The following FAF1 variants were observed in gnomAD, a reference collection of about 807,000 sequenced individuals.
FAF1 encodes FAS-associated factor 1.
FAF1 carries 25 observed loss-of-function variants against 92.5 expected under a neutral mutation model. The ratio of observed to expected loss-of-function variants is 0.27; its 90% CI spans 0.20 to 0.38. The LOEUF (loss-of-function observed/expected upper bound fraction) is 0.38, where lower values mean the gene tolerates loss of function less well. Ranked by LOEUF, FAF1 falls within the 10% of genes least tolerant of loss-of-function variation. FAF1 has a pLI of 1.00. For missense variants in FAF1, 636 were observed against 793.3 expected (o/e 0.80, Z 2.38); for synonymous variants, 234 against 273.2 (o/e 0.86, Z 1.42).
chr1:50,702,869 T>TA (rs1051904202), intron 7 of FAF1, among the ~76,000 whole-genome samples: 19 of 152,180 alleles, frequency 1.2e-4, no homozygotes, highest in African/African-American at 4.6e-4. Context: ...CTCAGTATTT[T>TA]AAAAAAATGT....
chr1:50,615,314 C>G (rs1652862727), intron 8 of FAF1, among the ~76,000 whole-genome samples: 1 of 152,184 alleles, frequency 6.6e-6, no homozygotes, highest in Non-Finnish European at 1.5e-5. Flanking sequence ...GATTCCATGT[C>G]TTTGCTATTG....
intron 3 of FAF1, among the ~76,000 whole-genome samples, chr1:50,789,008 T>C (rs1354913764): frequency 6.6e-6 from 1 of 152,070 alleles, no homozygotes; most frequent in African/African-American, 2.4e-5. Context: ...CATTTTTGTA[T>C]TTTTTTGTAG....
At chr1:50,674,271 T>A (rs1007791258) in intron 7 of FAF1, among the ~76,000 whole-genome samples, 2 of 152,018 alleles carry the variant, frequency 1.3e-5, no homozygotes, top group African/African-American at 2.4e-5. Flanking sequence ...TTTTTTTTTT[T>A]ATTGTACCAT....
chr1:50,877,640 T>C (rs1282994126), intron 1 of FAF1, among the ~76,000 whole-genome samples: 4 of 152,146 alleles, frequency 2.6e-5, no homozygotes, highest in African/African-American at 9.7e-5. Flanking sequence ...ATATGTATGT[T>C]CCACTAGTTA....
chr1:50,697,275 T>C (rs898063132), intron 7 of FAF1, among the ~76,000 whole-genome samples: 9 of 152,220 alleles, frequency 5.9e-5, no homozygotes, highest in Non-Finnish European at 1.5e-5. Context: ...GACACTCTAA[T>C]ACTTAGCCAT....
chr1:50,758,867 G>C (rs182059720), intron 4 of FAF1, among the ~76,000 whole-genome samples: 2 of 152,038 alleles, frequency 1.3e-5, no homozygotes, highest in African/African-American at 4.8e-5. Context: ...TTTTGAGATG[G>C]AGTCTTGCTC....
At chr1:50,482,304 T>C (rs902012356) in intron 17 of FAF1, among the ~76,000 whole-genome samples, 3 of 152,204 alleles carry the variant, frequency 2.0e-5, no homozygotes, top group Admixed American at 2.0e-4. Context: ...CAGTAGTTTG[T>C]TTCTATTTAT....
At chr1:50,499,913 TTA>T (rs750368868) in intron 15 of FAF1, among the ~76,000 whole-genome samples, 16 of 152,206 alleles carry the variant, frequency 1.1e-4, no homozygotes, top group Admixed American at 6.5e-4. Flanking sequence ...AAAATATCAT[TTA>T]TAATAGCATA....
intron 7 of FAF1, among the ~76,000 whole-genome samples, chr1:50,670,843 T>G (rs989858625): frequency 2.6e-5 from 4 of 151,958 alleles, no homozygotes; most frequent in Non-Finnish European, 5.9e-5. Flanking sequence ...GGCAGGGAAA[T>G]TACTTGAGCC....
chr1:50,866,446 G>T (rs1444930595), intron 1 of FAF1, among the ~76,000 whole-genome samples: 1 of 151,922 alleles, frequency 6.6e-6, no homozygotes, highest in Non-Finnish European at 1.5e-5. Context: ...AAACACTAAA[G>T]ACTCATCCAA....
intron 15 of FAF1, among the ~76,000 whole-genome samples, chr1:50,515,559 CAG>C (rs1372145206): frequency 6.6e-6 from 1 of 152,024 alleles, no homozygotes; most frequent in African/African-American, 2.4e-5. Flanking sequence ...AACAAAATAA[CAG>C]AAATTATAAC....
intron 15 of FAF1, among the ~76,000 whole-genome samples, chr1:50,505,278 G>A (rs1647045730): frequency 6.6e-6 from 1 of 152,080 alleles, no homozygotes; most frequent in South Asian, 2.1e-4. Flanking sequence ...GTTCCCAAAT[G>A]GACATGGAAA....
intron 18 of FAF1, among the ~76,000 whole-genome samples, chr1:50,462,490 G>A (rs1452095871): frequency 6.6e-6 from 1 of 151,948 alleles, no homozygotes; most frequent in Non-Finnish European, 1.5e-5. Flanking sequence ...ATCTGTATTT[G>A]TTTATAGTAA....
intron 15 of FAF1, among the ~76,000 whole-genome samples, chr1:50,516,242 C>A (rs1647218534): frequency 6.6e-6 from 1 of 152,158 alleles, no homozygotes; most frequent in African/African-American, 2.4e-5. Context: ...TTACCCAGGG[C>A]CTAATTCAAA....
chr1:50,526,958 G>C (rs1242492225), intron 15 of FAF1, among the ~76,000 whole-genome samples: 1 of 151,696 alleles, frequency 6.6e-6, no homozygotes, highest in Non-Finnish European at 1.5e-5. Flanking sequence ...AGGTTCAAGT[G>C]ATTCTCCTGC....
chr1:50,821,697 T>A (rs965741993), intron 2 of FAF1, among the ~76,000 whole-genome samples: 5 of 152,222 alleles, frequency 3.3e-5, no homozygotes, highest in Admixed American at 3.3e-4. Context: ...CAGGTTTTTA[T>A]GAAACTTGCT....
At chr1:50,618,349 G>C (rs533837502) in intron 8 of FAF1, among the ~76,000 whole-genome samples, 6 of 150,788 alleles carry the variant, frequency 4.0e-5, no homozygotes, top group African/African-American at 1.5e-4. Context: ...GCTAATACTG[G>C]TGTTCACTCA....
chr1:50,787,202 C>T (rs558059215), intron 4 of FAF1, among the ~76,000 whole-genome samples: 1 of 152,274 alleles, frequency 6.6e-6, no homozygotes, highest in East Asian at 1.9e-4. Flanking sequence ...TTTTGAAAAA[C>T]AGCATTTTTT....
intron 1 of FAF1, among the ~76,000 whole-genome samples, chr1:50,944,861 C>T (rs145648822): frequency 9.1e-4 from 139 of 152,226 alleles, no homozygotes; most frequent in South Asian, 2.9e-3. Flanking sequence ...AGGGTGGAAT[C>T]CTGAATTCTC....
Sources: gnomAD v4.1 joint callset for allele counts (sites outside exome capture counted in the v4.1 genomes callset) on GRCh38, gnomAD v4.1.1 for gene constraint, MANE v1.5 for transcripts, NCBI Gene and HGNC (gene_info 2026-07-23, HGNC 2026-07-21) for gene names.